The following SV2C variants were observed in gnomAD, a reference collection of about 807,000 sequenced individuals.
SV2C encodes synaptic vesicle glycoprotein 2C, also known as solute carrier family 22 member B3.
A neutral mutation model predicts 79.7 loss-of-function variants in SV2C; 49 were observed. The ratio of observed to expected loss-of-function variants is 0.61; its 90% CI spans 0.49 to 0.78. The LOEUF (loss-of-function observed/expected upper bound fraction) is 0.78. Ranked by LOEUF, SV2C falls within the 30% of genes least tolerant of loss-of-function variation. SV2C has a pLI of 0.00. For synonymous variants in SV2C, 334 were observed against 333.2 expected (o/e 1.00, Z -0.03); for missense variants, 833 against 912.9 (o/e 0.91, Z 1.13).
At chr5:76,235,729 C>A (rs554146078) in intron 4 of SV2C, among the ~76,000 whole-genome samples, 4 of 151,950 alleles carry the variant, frequency 2.6e-5, no homozygotes, top group Non-Finnish European at 5.9e-5. Flanking sequence ...TCTGTGGACT[C>A]ATTTTCAGAT....
the SV2C span, among the ~76,000 whole-genome samples, chr5:75,971,355 T>C: frequency 6.6e-6 from 1 of 151,896 alleles, no homozygotes; most frequent in Non-Finnish European, 1.5e-5. Context: ...AAATAAAGGG[T>C]ATTCAATTAG....
chr5:76,202,762 C>A (rs1744492802), intron 3 of SV2C, among the ~76,000 whole-genome samples: 1 of 152,140 alleles, frequency 6.6e-6, no homozygotes, highest in African/African-American at 2.4e-5. Context: ...AGCTACCAAG[C>A]ACTTGAAATG....
Position 76,153,132 on chromosome 5 carries a change from G to A in SV2C, c.580+20802G>A, listed in dbSNP as rs150797796. ...TCCTCCAAACCCTCTGGGGCATCTT[G>A]AGCTGCTCCTATTTTGTAGGGACCC... On this transcript the variant is annotated intron_variant, in intron 2 of 12. Coordinates refer to ENST00000502798, the MANE Select transcript of SV2C (RefSeq NM_014979.4). Among the ~76,000 whole-genome samples, 71 of 152,222 alleles carry A rather than the reference G, an allele frequency of 4.7e-4. No individual in the cohort carries two copies. In the South Asian group the frequency reaches 5.6e-3, roughly 12 times the overall value.
intron 4 of SV2C, among the ~76,000 whole-genome samples, chr5:76,241,093 A>G (rs557867988): frequency 3.3e-5 from 5 of 151,728 alleles, no homozygotes; most frequent in Non-Finnish European, 5.9e-5. Context: ...AGTAGCTGGG[A>G]CTACAAGCGC....
At chr5:76,174,210 T>C (rs1364577707) in intron 2 of SV2C, 2 of 1,604,870 alleles carry the variant, frequency 1.2e-6, no homozygotes, top group African/African-American at 2.7e-5. Flanking sequence ...AACCTAGTAC[T>C]CTGCGAACCT....
intron 4 of SV2C, among the ~76,000 whole-genome samples, chr5:76,276,638 CTTT>C (rs1188116727): frequency 7.3e-5 from 10 of 137,530 alleles, no homozygotes; most frequent in Non-Finnish European, 6.3e-5. Flanking sequence ...TTTTCTTTTT[CTTT>C]TTTTTTTTTT....
the SV2C span, among the ~76,000 whole-genome samples, chr5:75,992,254 C>T: frequency 6.6e-6 from 1 of 151,882 alleles, no homozygotes; most frequent in Admixed American, 6.6e-5. Context: ...ATGATTTTTC[C>T]ATTTTGCCTA....
the SV2C span, among the ~76,000 whole-genome samples, chr5:75,936,768 A>G: frequency 6.6e-5 from 10 of 152,236 alleles, no homozygotes; most frequent in South Asian, 2.1e-4. Flanking sequence ...TTACTGGTCT[A>G]TTGATTCTCA....
At chr5:76,155,280 T>C (rs1362564126) in intron 2 of SV2C, among the ~76,000 whole-genome samples, 2 of 152,220 alleles carry the variant, frequency 1.3e-5, no homozygotes, top group East Asian at 3.8e-4. Flanking sequence ...ACCAGGCATA[T>C]GGGCATTCAG....
chr5:75,853,181 G>A, the SV2C span, among the ~76,000 whole-genome samples: 14 of 152,118 alleles, frequency 9.2e-5, no homozygotes, highest in Non-Finnish European at 1.8e-4. Context: ...AGAGGTATAG[G>A]CAAAAAGTCA....
chr5:76,217,728 T>G lies in SV2C; in HGVS notation c.913+7841T>G, dbSNP rs180844939. Among the ~76,000 whole-genome samples the G allele has an allele frequency of 2.5e-3, 384 of 151,552 alleles. 3 individuals are homozygous for G. Among genetic ancestry groups the G allele is most frequent in the Admixed American group, 3.3e-3 (50 of 15,230 alleles). Reference sequence around the variant, plus strand: ...TAAAAAGCATAAACCCTGCCTAAAGTTTGAGATTAGAGAAGTCAGAGAAAA... The same window carrying G: ...TAAAAAGCATAAACCCTGCCTAAAGGTTGAGATTAGAGAAGTCAGAGAAAA... On this transcript the variant is annotated intron_variant, in intron 4 of 12. Coordinates refer to ENST00000502798, the MANE Select transcript of SV2C (RefSeq NM_014979.4).
At chr5:76,263,223 AG>A (rs1746538896) in intron 4 of SV2C, among the ~76,000 whole-genome samples, 1 of 151,858 alleles carries the variant, frequency 6.6e-6, no homozygotes, top group South Asian at 2.1e-4. Context: ...GTTGGTTTAA[AG>A]TCTGTTTTAT....
rs758955625 is a variant in SV2C, at chr5:76,178,799, C to T, written c.581-16120C>T. On this transcript the variant is annotated intron_variant, in intron 2 of 12. Coordinates refer to ENST00000502798, the MANE Select transcript of SV2C (RefSeq NM_014979.4). The stretch of plus-strand genomic sequence containing the variant: ...TGGATTTGGGAATTATTCTTCTAGA[C>T]AAAAGGTCTCAAGTATGCCACTTAT... Among the ~76,000 whole-genome samples, 12 of 152,180 alleles carry T rather than the reference C, an allele frequency of 7.9e-5. 1 individual carries two copies. Among genetic ancestry groups the T allele is most frequent in the Non-Finnish European group, 1.8e-4 (12 of 68,036 alleles).
chr5:76,052,156 TG>T, the SV2C span, among the ~76,000 whole-genome samples: 2 of 152,198 alleles, frequency 1.3e-5, no homozygotes, highest in African/African-American at 2.4e-5. Flanking sequence ...TTTTAGTGCT[TG>T]CTTTTAAAGG....
chr5:75,914,965 T>TGGCAGACACATCTCA, the SV2C span, among the ~76,000 whole-genome samples: 1 of 152,208 alleles, frequency 6.6e-6, no homozygotes, highest in African/African-American at 2.4e-5. Flanking sequence ...ACATCTCATG[T>TGGCAGACACATCTCA]GGTGGCAGAC....
the SV2C span, among the ~76,000 whole-genome samples, chr5:75,899,418 AC>A: frequency 3.9e-5 from 6 of 152,276 alleles, no homozygotes; most frequent in South Asian, 1.0e-3. Flanking sequence ...GTTTGATTGC[AC>A]TGTGGTCTGA....
At chr5:76,279,423 G>A (rs1296517881) in intron 4 of SV2C, among the ~76,000 whole-genome samples, 1 of 152,240 alleles carries the variant, frequency 6.6e-6, no homozygotes, top group Non-Finnish European at 1.5e-5. Flanking sequence ...TTGGGGGCCA[G>A]TCAGAGGAGC....
At chr5:76,176,417 T>C (rs1743532149) in intron 2 of SV2C, among the ~76,000 whole-genome samples, 1 of 152,172 alleles carries the variant, frequency 6.6e-6, no homozygotes, top group Non-Finnish European at 1.5e-5. Context: ...CTCTTTCCTC[T>C]AAGAGCTAAT....
At chr5:76,295,667 G>A (rs1021445748) in intron 8 of SV2C, 111 bp from the exon 9 acceptor site, 4 of 1,029,336 alleles carry the variant, frequency 3.9e-6, no homozygotes, top group Non-Finnish European at 4.2e-6. Flanking sequence ...TAATGTTATA[G>A]GGAGCCAGCC....
Sources: allele counts gnomAD v4.1 joint callset (sites outside exome capture counted in the v4.1 genomes callset), GRCh38; gene constraint gnomAD v4.1.1; transcripts MANE v1.5; gene names NCBI Gene and HGNC (gene_info 2026-07-23, HGNC 2026-07-21).